The following ARAP3 variants were observed in gnomAD, a reference collection of about 807,000 sequenced individuals.
ARAP3 encodes ArfGAP with RhoGAP domain, ankyrin repeat and PH domain 3.
Under a neutral mutation model 169.2 loss-of-function variants are expected in ARAP3, and 82 were observed. The observed-to-expected ratio is 0.48, with a 90% CI of 0.41 to 0.58. ARAP3 has a LOEUF of 0.58. ARAP3 is among the 20% of genes least tolerant of loss of function. The pLI is 0.00. For missense variants in ARAP3, 1,764 were observed against 2,018.0 expected, an observed-to-expected ratio of 0.87 and a Z score of 2.41; for synonymous variants, 791 against 800.3, an observed-to-expected ratio of 0.99 and a Z score of 0.20.
intron 13 of ARAP3, among the ~76,000 whole-genome samples, chr5:141,670,978 T>G (rs1283318233): frequency 6.6e-6 from 1 of 152,124 alleles, no homozygotes; most frequent in Non-Finnish European, 1.5e-5. Flanking sequence ...GCTGATCACT[T>G]CTTTGAGAGA....
chr5:141,654,770 A>C (rs1415773433), intron 32 of ARAP3, among the ~76,000 whole-genome samples: 1 of 138,856 alleles, frequency 7.2e-6, no homozygotes, highest in Non-Finnish European at 1.5e-5. Flanking sequence ...ACAGAGTTTT[A>C]CTCTTGTTGC....
At chr5:141,662,576 C>T (rs1243967246) in intron 19 of ARAP3, among the ~76,000 whole-genome samples, 2 of 152,216 alleles carry the variant, frequency 1.3e-5, no homozygotes, top group African/African-American at 4.8e-5. Flanking sequence ...TGCACATTCT[C>T]CTACTTGCTA....
chr5:141,675,407 A>G (rs990880247), intron 4 of ARAP3, among the ~76,000 whole-genome samples: 2 of 152,134 alleles, frequency 1.3e-5, no homozygotes, highest in African/African-American at 4.8e-5. Flanking sequence ...AAAATTCCCC[A>G]GCCTAAAAAA....
chr5:141,670,876 GGCTCTTA>G (rs1349578536), intron 13 of ARAP3, among the ~76,000 whole-genome samples: 2 of 152,196 alleles, frequency 1.3e-5, no homozygotes, highest in African/African-American at 4.8e-5. Context: ...CAGCCAACCA[GGCTCTTA>G]GCTCTGGGTG....
chr5:141,673,296 C>G, intron 6 of ARAP3, 105 bp downstream of exon 6: 1 of 1,563,388 alleles, frequency 6.4e-7, no homozygotes, highest in South Asian at 1.2e-5. Context: ...CATGCAGTCA[C>G]TGCCCCGCCC....
At chr5:141,679,404 G>A in intron 4 of ARAP3, 141 bp downstream of exon 4, 1 of 733,864 alleles carries the variant, frequency 1.4e-6, no homozygotes, top group Non-Finnish European at 2.3e-6. Flanking sequence ...CCTGAGGGTG[G>A]CACTAGGTCT....
At chr5:141,661,612 GAATA>G (rs1351352584) in intron 21 of ARAP3, 68 bp downstream of exon 21, 2 of 1,382,640 alleles carry the variant, frequency 1.4e-6, no homozygotes, top group African/African-American at 1.4e-5. Flanking sequence ...ATGAATGAAT[GAATA>G]AATGAATGAA....
At position 141,654,314 on chromosome 5, in the gene ARAP3, G is replaced by A; in HGVS notation, c.4271C>T (p.Ser1424Phe). The A allele has an allele frequency of 1.2e-6, 2 of 1,614,132 alleles. No homozygotes were observed. The highest frequency in any genetic ancestry group is 1.7e-6 in the Non-Finnish European group (2 of 1,180,010). Residue 1424 changes from serine to phenylalanine, a missense_variant, in exon 33 of 33, where the codon TCC (serine) becomes TTC (phenylalanine). Ser to Phe is a radical substitution (Grantham distance 155). Transcript: ENST00000239440. The part of the protein sequence containing the change: ...FPELIQDTST[S>F]FSTTREWTVK... ...TGTCCACTCCCGTGTGGTGGAGAAG[G>A]AGGTAGAAGTGTCCTGGATCAACTC...
rs144186690 is a variant in ARAP3, at chr5:141,658,232, G to A, written c.3526+133C>T. ...AGTCAACTGTGTTGAATGTCCCCTC[G>A]CATGGATGAGTGGATGAGTCATCCA... On this transcript the variant is annotated intron_variant, in intron 25 of 32. Coordinates refer to ENST00000239440, the MANE Select transcript of ARAP3 (RefSeq NM_022481.6). The A allele has an allele frequency of 1.9e-3, 1,624 of 838,266 alleles. 25 individuals are homozygous for A. The African/African-American group carries it at 0.023, about 12-fold the overall frequency. 51.9% of individuals were successfully genotyped at this position (838,266 alleles called of 1,614,324 possible).
In ARAP3 at chr5:141,664,956, G is replaced by A. The variant is rs1327386991; in HGVS notation, c.2766C>T (p.Ile922=). Residue 922 remains isoleucine (I), a synonymous_variant, in exon 19 of 33, where the codon ATC becomes ATT. Coordinates refer to ENST00000239440, the MANE Select transcript of ARAP3 (RefSeq NM_022481.6). ...TAACAAAACTGATGCAGGCATCCAC[G>A]ATGATGGGGATGTCACCCCGGCTCA... ...QQMSRGDIPI[I]VDACISFVTQ... is the part of the protein sequence containing the mutation. 12 of 1,607,030 alleles carry A rather than the reference G, an allele frequency of 7.5e-6. No homozygotes were observed. Among genetic ancestry groups the A allele is most frequent in the African/African-American group, 1.4e-5 (1 of 72,306 alleles).
In ARAP3 at chr5:141,662,059, G is replaced by A; in HGVS notation, c.2997C>T (p.Arg999=). The change falls in exon 20 of 33, where the codon CGC becomes CGT. Residue 999 remains arginine, a synonymous_variant. Transcript: ENST00000239440. ...TAGGAATACCAGCAGCCTCCCTCCA[G>A]CGAGGCAGCAACCGTGCAGAGGTCA... ...DPVTSARLLP[R]WREAAELPQK... 6.2e-7 allele frequency: 1 copy of A among 1,614,206 alleles called. No individual in the cohort carries two copies. Among genetic ancestry groups the A allele is most frequent in the Non-Finnish European group, 8.5e-7 (1 of 1,180,026 alleles).
In ARAP3 at chr5:141,671,849, A is replaced by G; in HGVS notation, c.1671+46T>C. The G allele has an allele frequency of 2.5e-6, 4 of 1,613,590 alleles. No individual in the cohort carries two copies. The highest frequency in any genetic ancestry group is 3.4e-6 in the Non-Finnish European group (4 of 1,179,638). On this transcript the variant is annotated intron_variant, in intron 11 of 32. Coordinates refer to ENST00000239440, the MANE Select transcript of ARAP3 (RefSeq NM_022481.6). This position sits in a 1 kb window ranked among gnomAD's most constrained non-coding sequence, Gnocchi z 4.9. Reference sequence around the variant, plus strand: ...AGGCTGGCCCAAGGCCTGCTTCTGGACGCTCCCTTCTACGCCTCCCACCTT... The same window carrying G: ...AGGCTGGCCCAAGGCCTGCTTCTGGGCGCTCCCTTCTACGCCTCCCACCTT...
chr5:141,676,619 CCTT>C (rs781288659), intron 4 of ARAP3, among the ~76,000 whole-genome samples: 7 of 152,248 alleles, frequency 4.6e-5, no homozygotes, highest in South Asian at 2.1e-4. Flanking sequence ...CTGGCCTCTC[CCTT>C]CTTCTTCTAC....
intron 25 of ARAP3, 120 bp downstream of exon 25, chr5:141,658,245 G>T: frequency 1.1e-6 from 1 of 938,984 alleles, no homozygotes; most frequent in Non-Finnish European, 1.6e-6. Flanking sequence ...TGGATGAGTG[G>T]ATGAGTCATC....
At position 141,680,378 on chromosome 5, in the gene ARAP3, G is replaced by C; in HGVS notation, c.109C>G (p.Arg37Gly). ...RHGLATAGAA[R>G]GLGHEELKQL... ...TTCAACTCCTCGTGGCCCAGGCCCC[G>C]GGCTGCACCTGCTGTAGCCAGGCCA... The change falls in exon 2 of 33, where the codon CGG becomes GGG. Residue 37 changes from arginine (R) to glycine (G), a missense_variant. This residue lies in a region of ARAP3 where 630 missense variants were observed against 678.7 expected (regional missense o/e 0.93). Transcript: ENST00000239440. 2 of 1,614,126 alleles carry C rather than the reference G, an allele frequency of 1.2e-6. No homozygotes were observed.
At chr5:141,678,538 GC>G (rs2099912518) in intron 4 of ARAP3, among the ~76,000 whole-genome samples, 1 of 151,152 alleles carries the variant, frequency 6.6e-6, no homozygotes, top group African/African-American at 2.4e-5. Context: ...TTGCCCCCAA[GC>G]CCTCTTTTTT....
At chr5:141,673,959 C>CT (rs10712701) in intron 4 of ARAP3, 151 bp from the exon 5 acceptor site, 10,645 of 361,526 alleles carry the variant, frequency 0.029, 19 homozygotes, top group South Asian at 0.043. Context: ...TTCTTTTCTT[C>CT]TTTTTTTTTT....
At chr5:141,660,451 G>A (rs983419158) in intron 21 of ARAP3, among the ~76,000 whole-genome samples, 10 of 148,632 alleles carry the variant, frequency 6.7e-5, no homozygotes, top group African/African-American at 2.2e-4. Flanking sequence ...CCGAGATTGC[G>A]CCACTGCACT....
rs1440992790 is a variant in ARAP3, at chr5:141,656,296, C to T, written c.3790-20G>A. On this transcript the variant is annotated intron_variant, in intron 27 of 32. Coordinates refer to ENST00000239440, the MANE Select transcript of ARAP3 (RefSeq NM_022481.6). ...AGAGCTCTGAGAACAGAAACAGAGTCAGCGAGATGGAGAGATGAGAGATCA... is the reference window on the plus strand; with the variant it reads ...AGAGCTCTGAGAACAGAAACAGAGTTAGCGAGATGGAGAGATGAGAGATCA... 6.2e-7 allele frequency: 1 copy of T among 1,613,746 alleles called. No individual in the cohort carries two copies. Among genetic ancestry groups the T allele is most frequent in the Non-Finnish European group, 8.5e-7 (1 of 1,179,724 alleles).
Sources: gnomAD v4.1 joint callset for allele counts (sites outside exome capture counted in the v4.1 genomes callset) on GRCh38, gnomAD v4.1.1 for gene constraint, gnomAD v4.1.1 regional missense constraint, Gnocchi (gnomAD v3.1) non-coding constraint, MANE v1.5 for transcripts, NCBI Gene and HGNC (gene_info 2026-07-23, HGNC 2026-07-21) for gene names.